PLCB1: variants seen among roughly 807,000 people sequenced by gnomAD.
PLCB1 encodes the protein phospholipase C beta 1, also known as 1-phosphatidylinositol 4,5-bisphosphate phosphodiesterase beta-1.
Under a neutral mutation model 161.8 loss-of-function variants are expected in PLCB1, and 46 were observed. That is an observed-to-expected ratio of 0.28 (90% CI 0.22 to 0.36). PLCB1 has a LOEUF of 0.36. Ranked by LOEUF, PLCB1 falls within the 10% of genes least tolerant of loss-of-function variation. The pLI is 1.00. For synonymous variants in PLCB1, 517 were observed against 503.7 expected, an observed-to-expected ratio of 1.03 and a Z score of -0.35; for missense variants, 1,016 against 1,472.5, an observed-to-expected ratio of 0.69 and a Z score of 5.07.
At chr20:8,619,407 A>G (rs1988117960) in intron 3 of PLCB1, among the ~76,000 whole-genome samples, 1 of 151,848 alleles carries the variant, frequency 6.6e-6, no homozygotes, top group African/African-American at 2.4e-5. Context: ...CGACAGAGCA[A>G]GACTCTGTCT....
chr20:8,618,022 G>A (rs1247953611), intron 3 of PLCB1, among the ~76,000 whole-genome samples: 2 of 152,170 alleles, frequency 1.3e-5, no homozygotes, highest in African/African-American at 4.8e-5. Flanking sequence ...TATAAAATGG[G>A]TGGCATTATA....
intron 31 of PLCB1, among the ~76,000 whole-genome samples, chr20:8,791,917 T>C (rs1347450753): frequency 6.6e-6 from 1 of 152,218 alleles, no homozygotes; most frequent in Non-Finnish European, 1.5e-5. Flanking sequence ...TGCATTCAGC[T>C]GCAATTTTAC....
At position 8,674,354 on chromosome 20, in the gene PLCB1, C is replaced by T. The variant is rs184327668; in HGVS notation, c.863-10578C>T. 3.3e-5 allele frequency among the ~76,000 whole-genome samples: 5 copies of T among 152,306 alleles called. No homozygotes were observed. The East Asian group carries it at 9.7e-4, about 29-fold the overall frequency. ...CTCTCAGTGCACTCAAAACAAGTCT[C>T]TCTCTCTCACTCTCAATTTCTATTT... is the stretch of plus-strand genomic sequence containing the variant. On this transcript the variant is annotated intron_variant, in intron 9 of 31. Coordinates refer to ENST00000338037, the MANE Select transcript of PLCB1 (RefSeq NM_015192.4).
intron 2 of PLCB1, among the ~76,000 whole-genome samples, chr20:8,230,848 CAG>C (rs1979990116): frequency 6.6e-6 from 1 of 152,038 alleles, no homozygotes; most frequent in Non-Finnish European, 1.5e-5. Context: ...GTTTAACATC[CAG>C]AGATCTCATC....
At chr20:8,454,655 C>T (rs1257588588) in intron 3 of PLCB1, among the ~76,000 whole-genome samples, 1 of 152,160 alleles carries the variant, frequency 6.6e-6, no homozygotes, top group Non-Finnish European at 1.5e-5. Flanking sequence ...ACTCTTACGT[C>T]TGTAATGCTA....
At chr20:8,375,966 G>GTCACAC (rs1323149107) in intron 3 of PLCB1, among the ~76,000 whole-genome samples, 5 of 139,482 alleles carry the variant, frequency 3.6e-5, no homozygotes, top group African/African-American at 1.3e-4. Flanking sequence ...AAAAAAAAAG[G>GTCACAC]TCACACTCTA....
At chr20:8,780,207 A>G (rs1248151185) in intron 27 of PLCB1, among the ~76,000 whole-genome samples, 1 of 152,048 alleles carries the variant, frequency 6.6e-6, no homozygotes, top group African/African-American at 2.4e-5. Context: ...ATTCTTAGGG[A>G]TTTACCTGAG....
chr20:8,507,351 C>A (rs1190131716), intron 3 of PLCB1, among the ~76,000 whole-genome samples: 2 of 152,204 alleles, frequency 1.3e-5, no homozygotes, highest in Non-Finnish European at 2.9e-5. Flanking sequence ...TAGTAATAAA[C>A]CCTTTAGTCT....
chr20:8,486,018 CCTT>C (rs1252940532), intron 3 of PLCB1, among the ~76,000 whole-genome samples: 1 of 152,150 alleles, frequency 6.6e-6, no homozygotes, highest in Non-Finnish European at 1.5e-5. Context: ...GTAAACACAT[CCTT>C]CTTCACATGA....
intron 2 of PLCB1, among the ~76,000 whole-genome samples, chr20:8,340,683 C>T (rs1364167706): frequency 6.6e-6 from 1 of 152,168 alleles, no homozygotes; most frequent in Non-Finnish European, 1.5e-5. Context: ...CTCGGCCTCC[C>T]AAAGTGCTGG....
At chr20:8,508,788 T>TTATA (rs141615014) in intron 3 of PLCB1, among the ~76,000 whole-genome samples, 4 of 150,704 alleles carry the variant, frequency 2.7e-5, no homozygotes, top group African/African-American at 9.7e-5. Flanking sequence ...ATGCTTTGAA[T>TTATA]TATATATATA....
In PLCB1 at chr20:8,588,778, G is replaced by A. The variant is rs116649567; in HGVS notation, c.247-39516G>A. Among the ~76,000 whole-genome samples, 987 of 152,264 alleles carry A rather than the reference G, an allele frequency of 6.5e-3. 8 individuals carry two copies. The highest frequency in any genetic ancestry group is 0.022 in the African/African-American group (933 of 41,540). ...TTCTCCTGTTTCAGCTACCAAGTAT[G>A]GTGTTATGGTGTGGCAGCCCAAGCA... On this transcript the variant is annotated intron_variant, in intron 3 of 31. Coordinates refer to ENST00000338037, the MANE Select transcript of PLCB1 (RefSeq NM_015192.4).
intron 2 of PLCB1, among the ~76,000 whole-genome samples, chr20:8,278,631 C>A (rs1982714566): frequency 6.6e-6 from 1 of 151,786 alleles, no homozygotes; most frequent in Non-Finnish European, 1.5e-5. Flanking sequence ...CAAATTAATA[C>A]CAGGAGAAGC....
chr20:8,190,041 A>G (rs577214101), intron 2 of PLCB1, among the ~76,000 whole-genome samples: 1 of 152,208 alleles, frequency 6.6e-6, no homozygotes, highest in South Asian at 2.1e-4. Flanking sequence ...GACTTCATTG[A>G]TTTTCTTTAC....
intron 2 of PLCB1, among the ~76,000 whole-genome samples, chr20:8,281,991 A>G (rs533584945): frequency 6.6e-6 from 1 of 152,322 alleles, no homozygotes; most frequent in African/African-American, 2.4e-5. Context: ...AAATATTTAA[A>G]AAAAAATTTT....
intron 31 of PLCB1, chr20:8,792,861 A>G (rs916207495): frequency 3.0e-6 from 1 of 330,776 alleles, no homozygotes; most frequent in Non-Finnish European, 5.9e-6. Flanking sequence ...CAGTAGAGTA[A>G]AAGAACAAAA....
At chr20:8,868,971 G>A (rs568690656) in intron 31 of PLCB1, among the ~76,000 whole-genome samples, 3 of 152,218 alleles carry the variant, frequency 2.0e-5, no homozygotes, top group Non-Finnish European at 2.9e-5. Context: ...TTGATTCTGC[G>A]CTGAACCACT....
intron 2 of PLCB1, among the ~76,000 whole-genome samples, chr20:8,263,556 T>C (rs1981813153): frequency 6.6e-6 from 1 of 152,194 alleles, no homozygotes; most frequent in Non-Finnish European, 1.5e-5. Flanking sequence ...CATTCTGATA[T>C]TGTGTGAACA....
Position 8,259,070 on chromosome 20 carries a change from C to T in PLCB1, c.177+108699C>T, listed in dbSNP as rs78226196. Among the ~76,000 whole-genome samples, 1,045 of 152,216 alleles carry T rather than the reference C, an allele frequency of 6.9e-3. 13 individuals carry two copies. The highest frequency in any genetic ancestry group is 0.023 in the African/African-American group (959 of 41,550). On this transcript the variant is annotated intron_variant, in intron 2 of 31. Transcript: ENST00000338037. ...GTCTGGCTCTTTTCATGTAGCATAACGCCTTTTAGATTTATCCATGTATCA... is the reference window on the plus strand; with the variant it reads ...GTCTGGCTCTTTTCATGTAGCATAATGCCTTTTAGATTTATCCATGTATCA...
Sources: gnomAD v4.1 joint callset for allele counts (sites outside exome capture counted in the v4.1 genomes callset) on GRCh38, gnomAD v4.1.1 for gene constraint, MANE v1.5 for transcripts, NCBI Gene and HGNC (gene_info 2026-07-23, HGNC 2026-07-21) for gene names.